WWP1: variants seen among roughly 807,000 people sequenced by gnomAD.
The protein encoded by WWP1 is WW domain containing E3 ubiquitin protein ligase 1.
WWP1 carries 49 observed loss-of-function variants against 130.6 expected under a neutral mutation model. The observed-to-expected ratio is 0.38, with a 90% CI of 0.30 to 0.48. The LOEUF (loss-of-function observed/expected upper bound fraction) is 0.48, where lower values mean the gene tolerates loss of function less well. Among genes scored for constraint, WWP1 ranks in the 20% least tolerant of loss-of-function variants. The probability of loss-of-function intolerance (pLI) is 0.99; values close to 1 mark genes in which losing one functional copy is unlikely to be tolerated. For synonymous variants in WWP1, 332 were observed against 367.8 expected (o/e 0.90, Z 1.11); for missense variants, 809 against 1,100.6 (o/e 0.74, Z 3.75).
intron 7 of WWP1, among the ~76,000 whole-genome samples, chr8:86,400,877 G>C (rs934008441): frequency 6.6e-6 from 1 of 152,116 alleles, no homozygotes; most frequent in Non-Finnish European, 1.5e-5. Flanking sequence ...GGAGAGTGAC[G>C]TGATGACCTG....
intron 5 of WWP1, among the ~76,000 whole-genome samples, chr8:86,387,677 C>T (rs1329775087): frequency 6.6e-6 from 1 of 151,908 alleles, no homozygotes; most frequent in African/African-American, 2.4e-5. Context: ...CATGCACCAC[C>T]ATGTGCGGCT....
intron 6 of WWP1, 32 bp downstream of exon 6, chr8:86,398,511 A>G: frequency 1.2e-6 from 2 of 1,608,962 alleles, no homozygotes; most frequent in Admixed American, 1.7e-5. Context: ...GTAAAATTTC[A>G]AGGAAAAAGA....
intron 5 of WWP1, among the ~76,000 whole-genome samples, chr8:86,390,847 A>G (rs979837864): frequency 2.0e-5 from 3 of 152,104 alleles, no homozygotes; most frequent in Admixed American, 2.0e-4. Flanking sequence ...GCAGTTATTG[A>G]GGTCATTTGT....
At chr8:86,437,520 T>G (rs1012621467) in intron 16 of WWP1, among the ~76,000 whole-genome samples, 1 of 152,144 alleles carries the variant, frequency 6.6e-6, no homozygotes, top group Non-Finnish European at 1.5e-5. Flanking sequence ...TTTTTAACCT[T>G]AAAAGCCTTT....
At chr8:86,428,680 G>A (rs1809765100) in intron 11 of WWP1, among the ~76,000 whole-genome samples, 1 of 152,068 alleles carries the variant, frequency 6.6e-6, no homozygotes, top group Admixed American at 6.6e-5. Flanking sequence ...GGAGGGAGTG[G>A]GCAGCCTAGT....
In WWP1 at chr8:86,456,630, C is replaced by T. The variant is rs1195842188; in HGVS notation, c.2395-1291C>T. Among the ~76,000 whole-genome samples, 3 of 151,860 alleles carry T rather than the reference C, an allele frequency of 2.0e-5. No individual in the cohort carries two copies. The East Asian group carries it at 5.8e-4, about 29-fold the overall frequency. ...TATCAAAATGAAATGAAATATATAT[C>T]CACACAAAGACTCATACATACATGT... On this transcript the variant is annotated intron_variant, in intron 21 of 24. Coordinates refer to ENST00000517970, the MANE Select transcript of WWP1 (RefSeq NM_007013.4).
intron 9 of WWP1, among the ~76,000 whole-genome samples, chr8:86,416,766 C>T (rs1808911269): frequency 6.6e-6 from 1 of 152,074 alleles, no homozygotes; most frequent in African/African-American, 2.4e-5. Context: ...TGGTAATTTG[C>T]ACCTAGTTGA....
intron 10 of WWP1, among the ~76,000 whole-genome samples, chr8:86,427,387 T>C (rs967534937): frequency 6.6e-6 from 1 of 151,008 alleles, no homozygotes; most frequent in East Asian, 1.9e-4. Flanking sequence ...TCCCAGAACT[T>C]AAAGTAAAAT....
intron 5 of WWP1, among the ~76,000 whole-genome samples, chr8:86,386,446 CCCTT>C (rs1224423671): frequency 6.9e-6 from 1 of 145,310 alleles, no homozygotes; most frequent in East Asian, 2.1e-4. Context: ...GCTGTTCTCT[CCCTT>C]CCTTTCCTCC....
rs754269556 is a variant in WWP1 at position 86,431,425 on chromosome 8, A to C, written c.1407A>C (p.Thr469=). The C allele has an allele frequency of 6.2e-7, 1 of 1,604,380 alleles. No individual in the cohort carries two copies. Among genetic ancestry groups the C allele is most frequent in the East Asian group, 2.2e-5 (1 of 44,730 alleles). The change falls in exon 13 of 25, where the codon ACA becomes ACC. Residue 469 remains threonine (T), a synonymous_variant. Transcript: ENST00000517970. ...PPGWEKRVDS[T]DRVYFVNHNT... is the part of the protein sequence containing the mutation. The stretch of plus-strand genomic sequence containing the variant: ...TTTCAGAAAAAAGAGTGGATTCAAC[A>C]GACAGGGTTTACTTTGTGAATCATA...
intron 16 of WWP1, among the ~76,000 whole-genome samples, chr8:86,436,018 T>C (rs1810271014): frequency 1.3e-5 from 2 of 152,182 alleles, no homozygotes; most frequent in Non-Finnish European, 2.9e-5. Flanking sequence ...ATTTTAATCA[T>C]AGTTACACTA....
At chr8:86,400,333 G>A (rs746118561) in intron 7 of WWP1, among the ~76,000 whole-genome samples, 2 of 149,364 alleles carry the variant, frequency 1.3e-5, no homozygotes, top group African/African-American at 2.5e-5. Context: ...ACTTCGTCTC[G>A]GGGGGAAAAA....
chr8:86,408,583 A>C (rs192385859), intron 8 of WWP1, among the ~76,000 whole-genome samples: 1 of 152,130 alleles, frequency 6.6e-6, no homozygotes, highest in African/African-American at 2.4e-5. Context: ...GAGATATTTT[A>C]TGTCTGTATT....
chr8:86,406,399 T>G (rs1338297089), intron 8 of WWP1, among the ~76,000 whole-genome samples: 1 of 152,198 alleles, frequency 6.6e-6, no homozygotes, highest in Non-Finnish European at 1.5e-5. Flanking sequence ...ATTAATAAAG[T>G]AGATCAGAGC....
chr8:86,357,324 T>C (rs1229731123), intron 1 of WWP1, among the ~76,000 whole-genome samples: 2 of 152,204 alleles, frequency 1.3e-5, no homozygotes, highest in Non-Finnish European at 2.9e-5. Context: ...ATTTTCTACA[T>C]GAGTCTTTAC....
rs756645608 is a variant in WWP1 at position 86,448,212 on chromosome 8, G to A, written c.2063G>A (p.Ser688Asn). Residue 688 changes from serine to asparagine, a missense_variant, in exon 19 of 25, where the codon AGT (serine) becomes AAT (asparagine). Ser to Asn is a conservative substitution (Grantham distance 46). This residue lies in a region of WWP1 where 450 missense variants were observed against 674.2 expected (regional missense o/e 0.67). Coordinates refer to ENST00000517970, the MANE Select transcript of WWP1 (RefSeq NM_007013.4). ...FSLPFYKRMLSKKLTIKDLES... is the reference protein window; with the variant it reads ...FSLPFYKRMLNKKLTIKDLES... ...TTACCATTCTACAAGCGTATGTTAAGTAAAAAACTTACTATTAAGGATTTG... is the reference window on the plus strand; with the variant it reads ...TTACCATTCTACAAGCGTATGTTAAATAAAAAACTTACTATTAAGGATTTG... 25 of 1,582,814 alleles carry A rather than the reference G, an allele frequency of 1.6e-5. No individual in the cohort carries two copies. Among genetic ancestry groups the A allele is most frequent in the East Asian group, 1.1e-4 (5 of 44,536 alleles).
intron 21 of WWP1, among the ~76,000 whole-genome samples, chr8:86,455,286 C>T (rs1811374086): frequency 6.6e-6 from 1 of 151,970 alleles, no homozygotes; most frequent in Non-Finnish European, 1.5e-5. Flanking sequence ...AAGATGTCTA[C>T]TCTTACCACT....
At chr8:86,377,082 G>A (rs1367472459) in intron 3 of WWP1, among the ~76,000 whole-genome samples, 1 of 151,286 alleles carries the variant, frequency 6.6e-6, no homozygotes, top group Non-Finnish European at 1.5e-5. Context: ...AAAGACCTCT[G>A]TATTGATTTT....
intron 9 of WWP1, among the ~76,000 whole-genome samples, chr8:86,420,519 T>A (rs542311835): frequency 7.2e-4 from 109 of 152,238 alleles, no homozygotes; most frequent in African/African-American, 2.5e-3. Flanking sequence ...AGTGTAGATG[T>A]GTATGTGTGC....
Sources: gnomAD v4.1 joint callset for allele counts (sites outside exome capture counted in the v4.1 genomes callset) on GRCh38, gnomAD v4.1.1 for gene constraint, gnomAD v4.1.1 regional missense constraint, MANE v1.5 for transcripts, NCBI Gene and HGNC (gene_info 2026-07-23, HGNC 2026-07-21) for gene names.